STRN3: variants seen among roughly 807,000 people sequenced by gnomAD.
The protein encoded by STRN3 is striatin 3, also known as striatin-3.
In STRN3, 29 loss-of-function variants were observed where a neutral mutation model predicts 95.6. That is an observed-to-expected ratio of 0.30 (90% CI 0.23 to 0.41). The LOEUF is 0.41. STRN3 is among the 10% of genes least tolerant of loss of function. The pLI is 1.00. For missense variants in STRN3, 890 were observed against 972.1 expected (o/e 0.92, Z 1.12); for synonymous variants, 331 against 357.6 (o/e 0.93, Z 0.84).
rs1231800674 is a variant in STRN3, at chr14:30,935,295, C to T, written c.856G>A (p.Glu286Lys). 1 of 1,613,796 alleles carries T rather than the reference C, an allele frequency of 6.2e-7. No homozygotes were observed. Among genetic ancestry groups the T allele is most frequent in the Non-Finnish European group, 8.5e-7 (1 of 1,179,824 alleles). The change falls in exon 7 of 18, where the codon GAA becomes AAA. Residue 286 changes from glutamate to lysine, a missense_variant. Coordinates refer to ENST00000357479, the MANE Select transcript of STRN3 (RefSeq NM_001083893.2). ...TCAGTTAGGTCAGCAGCTAAACCTT[C>T]ATTACCTATCTGTAAATAGAATATA... ...HRMNKHKIGN[E>K]GLAADLTDDP... is the part of the protein sequence containing the mutation.
At chr14:30,903,694 C>A (rs934247136) in intron 15 of STRN3, among the ~76,000 whole-genome samples, 1 of 152,140 alleles carries the variant, frequency 6.6e-6, no homozygotes, top group Non-Finnish European at 1.5e-5. Context: ...CCAATGCGCC[C>A]AGCCAACAGT....
intron 1 of STRN3, among the ~76,000 whole-genome samples, chr14:30,976,941 T>C (rs963951036): frequency 1.0e-4 from 15 of 149,840 alleles, no homozygotes; most frequent in Admixed American, 6.6e-5. Flanking sequence ...AATACAAAAA[T>C]TGACCGGACA....
intron 6 of STRN3, among the ~76,000 whole-genome samples, 154 bp downstream of exon 6, chr14:30,936,341 G>C (rs901251879): frequency 1.3e-5 from 2 of 152,150 alleles, no homozygotes; most frequent in Non-Finnish European, 2.9e-5. Flanking sequence ...TACTCTATGT[G>C]TGTAATGCAA....
intron 14 of STRN3, 142 bp from the exon 15 acceptor site, chr14:30,905,700 T>C (rs1465558623): frequency 1.2e-6 from 1 of 819,614 alleles, no homozygotes; most frequent in Admixed American, 3.5e-5. Flanking sequence ...GGAACACAAC[T>C]GTGTCAGGAT....
intron 4 of STRN3, among the ~76,000 whole-genome samples, chr14:30,948,914 A>G (rs899925813): frequency 1.3e-5 from 2 of 152,200 alleles, no homozygotes; most frequent in African/African-American, 4.8e-5. Context: ...TACTCTAACC[A>G]CTTGGTCTGA....
intron 1 of STRN3, among the ~76,000 whole-genome samples, chr14:30,992,070 T>C (rs973638964): frequency 7.3e-5 from 11 of 150,952 alleles, no homozygotes; most frequent in African/African-American, 2.2e-4. Flanking sequence ...TAATAGTATA[T>C]GGAAAACTCA....
At chr14:30,929,426 T>C (rs1878368394) in intron 7 of STRN3, 115 bp from the exon 8 acceptor site, 1 of 768,368 alleles carries the variant, frequency 1.3e-6, no homozygotes, top group Admixed American at 2.8e-5. Flanking sequence ...TAGCATATAC[T>C]CAAAATACTT....
intron 16 of STRN3, among the ~76,000 whole-genome samples, chr14:30,899,175 G>A (rs1029257293): frequency 2.0e-5 from 3 of 152,166 alleles, no homozygotes; most frequent in Non-Finnish European, 4.4e-5. Flanking sequence ...TTTGCTGAAT[G>A]AATGAGTCCA....
At chr14:30,908,958 C>G (rs925389891) in intron 13 of STRN3, among the ~76,000 whole-genome samples, 1 of 152,222 alleles carries the variant, frequency 6.6e-6, no homozygotes, top group Non-Finnish European at 1.5e-5. Context: ...CATCCTTTAA[C>G]ATGCCTAAAA....
Position 30,983,553 on chromosome 14 carries a change from A to G in STRN3, c.283-27311T>C, listed in dbSNP as rs147295520. ...GAGCGAGACTCCGTCTCAAAAATAAATAAATAAAATAAGGCAAAGATGTTT... is the reference window on the plus strand; with the variant it reads ...GAGCGAGACTCCGTCTCAAAAATAAGTAAATAAAATAAGGCAAAGATGTTT... On this transcript the variant is annotated intron_variant, in intron 1 of 17. Coordinates refer to ENST00000357479, the MANE Select transcript of STRN3 (RefSeq NM_001083893.2). Among the ~76,000 whole-genome samples the G allele has an allele frequency of 9.2e-5, 14 of 152,344 alleles. No individual in the cohort carries two copies. The East Asian group carries it at 2.7e-3, about 29-fold the overall frequency.
intron 5 of STRN3, among the ~76,000 whole-genome samples, chr14:30,937,064 T>C (rs1451853993): frequency 6.6e-6 from 1 of 152,102 alleles, no homozygotes; most frequent in African/African-American, 2.4e-5. Context: ...TTCATGCCTG[T>C]AATCCCAGCA....
intron 1 of STRN3, among the ~76,000 whole-genome samples, chr14:31,008,913 C>A (rs1402041120): frequency 6.6e-6 from 1 of 151,922 alleles, no homozygotes; most frequent in Non-Finnish European, 1.5e-5. Flanking sequence ...GTGACACACA[C>A]CTATAGTCTC....
intron 1 of STRN3, among the ~76,000 whole-genome samples, chr14:31,008,259 T>C (rs1882811716): frequency 6.8e-6 from 1 of 147,804 alleles, no homozygotes. Context: ...CCTGTAATCC[T>C]AGCACTCTGG....
chr14:31,004,136 T>C lies in STRN3; in HGVS notation c.282+21768A>G, dbSNP rs139627466. On this transcript the variant is annotated intron_variant, in intron 1 of 17. Transcript: ENST00000357479. ...CCATCTCTACAAAAAATACAAAAAA[T>C]TAGCCGGGTGTGATGGCATGCGCCT... is the stretch of plus-strand genomic sequence containing the variant. Among the ~76,000 whole-genome samples, 680 of 151,930 alleles carry C rather than the reference T, an allele frequency of 4.5e-3. 3 individuals carry two copies. The highest frequency in any genetic ancestry group is 0.016 in the African/African-American group (658 of 41,436).
At chr14:31,013,146 T>A (rs1219265442) in intron 1 of STRN3, among the ~76,000 whole-genome samples, 1 of 151,816 alleles carries the variant, frequency 6.6e-6, no homozygotes, top group Non-Finnish European at 1.5e-5. Flanking sequence ...CATGTTCCTG[T>A]AGTCCCAAAC....
chr14:30,924,287 C>CTTTTTTTT (rs71112354), intron 8 of STRN3, among the ~76,000 whole-genome samples: 27,212 of 76,116 alleles, frequency 0.36, 8,728 homozygotes, highest in Non-Finnish European at 0.4. Flanking sequence ...TGCCTTAAAT[C>CTTTTTTTT]TTTTTTTTTT....
Position 31,001,040 on chromosome 14 carries a change from G to C in STRN3, c.282+24864C>G, listed in dbSNP as rs534746290. Reference sequence around the variant, plus strand: ...AAAGACATATACTGAGTGAGGCAGAGGGGGTAGGGCTGAAGGTTTACAGAG... The same window carrying C: ...AAAGACATATACTGAGTGAGGCAGACGGGGTAGGGCTGAAGGTTTACAGAG... On this transcript the variant is annotated intron_variant, in intron 1 of 17. Coordinates refer to ENST00000357479, the MANE Select transcript of STRN3 (RefSeq NM_001083893.2). 2.3e-4 allele frequency among the ~76,000 whole-genome samples: 35 copies of C among 152,314 alleles called. No homozygotes were observed. The South Asian group carries it at 6.4e-3, about 28-fold the overall frequency.
At chr14:31,022,382 CAAA>C (rs34715212) in intron 1 of STRN3, among the ~76,000 whole-genome samples, 21 of 130,372 alleles carry the variant, frequency 1.6e-4, no homozygotes, top group Admixed American at 1.6e-4. Flanking sequence ...GACTCCATCT[CAAA>C]AAAAAAAAAA....
chr14:30,951,146 G>A (rs143307460), intron 3 of STRN3, among the ~76,000 whole-genome samples: 2 of 152,222 alleles, frequency 1.3e-5, no homozygotes, highest in East Asian at 3.9e-4. Flanking sequence ...TAAGTACTAT[G>A]TCCCCCATTT....
Sources: gnomAD v4.1 joint callset for allele counts (sites outside exome capture counted in the v4.1 genomes callset) on GRCh38, gnomAD v4.1.1 for gene constraint, MANE v1.5 for transcripts, NCBI Gene and HGNC (gene_info 2026-07-23, HGNC 2026-07-21) for gene names.